Variants in SCFD1 observed in about 807,000 individuals in gnomAD.
SCFD1 encodes sec1 family domain containing 1.
Under a neutral mutation model 103.2 loss-of-function variants are expected in SCFD1, and 37 were observed. That is an observed-to-expected ratio of 0.36 (90% CI 0.28 to 0.47). The LOEUF is 0.47. Among genes scored for constraint, SCFD1 ranks in the 20% least tolerant of loss-of-function variants. The pLI is 1.00. For missense variants in SCFD1, 639 were observed against 761.2 expected, an observed-to-expected ratio of 0.84 and a Z score of 1.89; for synonymous variants, 264 against 245.0, an observed-to-expected ratio of 1.08 and a Z score of -0.73.
chr14:30,695,608 C>G (rs573879097), intron 15 of SCFD1, among the ~76,000 whole-genome samples: 1 of 152,254 alleles, frequency 6.6e-6, no homozygotes, highest in South Asian at 2.1e-4. Flanking sequence ...GTGGTTCATA[C>G]CTGTAATCCC....
chr14:30,702,360 A>G lies in SCFD1; in HGVS notation c.1475A>G (p.Tyr492Cys). Residue 492 changes from tyrosine to cysteine, a missense_variant, in exon 17 of 25, where the codon TAT becomes TGT. By Grantham distance (194) the Tyr-to-Cys change is radical. Transcript: ENST00000458591. Reference protein sequence around the residue: ...DAGCNLNPLQYIKQWKAFTKM... With the variant: ...DAGCNLNPLQCIKQWKAFTKM... ...GGATGCAACCTTAATCCTTTACAAT[A>G]TATCAAACAGTGGAAGTAAGTTTTA... The G allele has an allele frequency of 6.3e-7, 1 of 1,580,988 alleles. No individual in the cohort carries two copies. The highest frequency in any genetic ancestry group is 8.6e-7 in the Non-Finnish European group (1 of 1,160,280).
chr14:30,624,187 CTATCCA>C (rs1468977810), intron 1 of SCFD1, among the ~76,000 whole-genome samples: 1 of 152,202 alleles, frequency 6.6e-6, no homozygotes, highest in Admixed American at 6.5e-5. Context: ...ACTGTCCCCT[CTATCCA>C]TACCTTCAGT....
chr14:30,640,866 GA>G, intron 6 of SCFD1, among the ~76,000 whole-genome samples: 1 of 151,932 alleles, frequency 6.6e-6, no homozygotes, highest in Non-Finnish European at 1.5e-5. Flanking sequence ...CAGCTTTTTT[GA>G]AAGATCACAT....
chr14:30,669,553 G>GT (rs140138891), intron 10 of SCFD1, among the ~76,000 whole-genome samples: 10,103 of 151,462 alleles, frequency 0.067, 490 homozygotes, highest in African/African-American at 0.13. Flanking sequence ...GGGTTTTTTG[G>GT]TTTTTTTTAC....
intron 1 of SCFD1, 57 bp downstream of exon 1, chr14:30,622,456 T>C: frequency 6.5e-7 from 1 of 1,543,292 alleles, no homozygotes; most frequent in Non-Finnish European, 8.8e-7. Context: ...GACATCCTTC[T>C]CCTCTGGTGC....
At chr14:30,635,122 A>G (rs1364189149) in intron 4 of SCFD1, 1 of 371,628 alleles carries the variant, frequency 2.7e-6, no homozygotes, top group African/African-American at 2.1e-5. Context: ...TGACGTTTGC[A>G]AATTTTGTGT....
chr14:30,644,511 G>GT (rs1324400989), intron 7 of SCFD1, among the ~76,000 whole-genome samples: 11 of 152,124 alleles, frequency 7.2e-5, no homozygotes, highest in Admixed American at 6.5e-4. Flanking sequence ...GCCAACATCT[G>GT]TTATTTTTTG....
intron 10 of SCFD1, among the ~76,000 whole-genome samples, chr14:30,662,492 G>A (rs1024768196): frequency 6.6e-6 from 1 of 151,204 alleles, no homozygotes; most frequent in Non-Finnish European, 1.5e-5. Context: ...ATTCTCCCTT[G>A]TATTTTATTT....
At chr14:30,703,952 TATATATATATAA>T (rs1297859868) in intron 17 of SCFD1, among the ~76,000 whole-genome samples, 1,053 of 57,100 alleles carry the variant, frequency 0.018, 46 homozygotes, top group African/African-American at 0.077. Context: ...TATATATATA[TATATATATATAA>T]ATAATGAGAT....
intron 3 of SCFD1, among the ~76,000 whole-genome samples, chr14:30,632,953 A>G (rs760419475): frequency 6.6e-6 from 1 of 152,188 alleles, no homozygotes; most frequent in Non-Finnish European, 1.5e-5. Flanking sequence ...TTACACAGCT[A>G]CCATGGTGAA....
upstream of SCFD1, chr14:30,622,312 G>C: frequency 2.5e-6 from 4 of 1,593,322 alleles, no homozygotes; most frequent in East Asian, 2.3e-5. Context: ...CCGCTCCCCA[G>C]CCGGGCAGTG....
chr14:30,672,682 T>G (rs1225722904), intron 11 of SCFD1, among the ~76,000 whole-genome samples: 3 of 152,202 alleles, frequency 2.0e-5, no homozygotes, highest in African/African-American at 7.2e-5. Flanking sequence ...TGTAAGTTAC[T>G]GCTAAACCAC....
chr14:30,631,159 C>G (rs1263460027), intron 3 of SCFD1, among the ~76,000 whole-genome samples: 2 of 152,094 alleles, frequency 1.3e-5, no homozygotes, highest in Non-Finnish European at 2.9e-5. Context: ...CGAGACCAGC[C>G]TGGTCACGTG....
rs774003146 is a variant in SCFD1 at position 30,673,929 on chromosome 14, A to G, written c.1092A>G (p.Leu364=). 12 of 1,612,780 alleles carry G rather than the reference A, an allele frequency of 7.4e-6. No homozygotes were observed. Among genetic ancestry groups the G allele is most frequent in the Non-Finnish European group, 1.0e-5 (12 of 1,179,022 alleles). Reference sequence around the variant, plus strand: ...AGACCTTTTTTCTTTACAAGGGACTAGAAGGGGAAGATGAAGGAGCCATAA... The same window carrying G: ...AGACCTTTTTTCTTTACAAGGGACTGGAAGGGGAAGATGAAGGAGCCATAA... ...EVKRLKSIMG[L]EGEDEGAISM... is the part of the protein sequence containing the mutation. Residue 364 remains leucine, a synonymous_variant, in exon 13 of 25, where the codon CTA becomes CTG. Coordinates refer to ENST00000458591, the MANE Select transcript of SCFD1 (RefSeq NM_016106.4).
chr14:30,666,033 A>G (rs1273770894), intron 10 of SCFD1, among the ~76,000 whole-genome samples: 1 of 152,212 alleles, frequency 6.6e-6, no homozygotes, highest in African/African-American at 2.4e-5. Flanking sequence ...AAGGATATCC[A>G]GGAATTGAAC....
At chr14:30,681,238 G>A (rs1416446023) in intron 14 of SCFD1, among the ~76,000 whole-genome samples, 8 of 146,336 alleles carry the variant, frequency 5.5e-5, no homozygotes, top group African/African-American at 2.0e-4. Context: ...AAAAAAAAGC[G>A]CTCAACATAC....
chr14:30,638,150 C>T lies in SCFD1; in HGVS notation c.338C>T (p.Ser113Leu). Residue 113 changes from serine (S) to leucine (L), a missense_variant, in exon 5 of 25, where the codon TCA becomes TTA. Ser to Leu is a moderately radical substitution (Grantham distance 145, BLOSUM62 -2). Transcript: ENST00000458591. ...CQDLRNQLYE[S>L]YYLNFISAIS... ...GATCTTCGAAATCAACTATATGAAT[C>T]ATATTATTTAAATTTTATTTCTGCT... 1 of 1,610,194 alleles carries T rather than the reference C, an allele frequency of 6.2e-7. No homozygotes were observed. The highest frequency in any genetic ancestry group is 1.1e-5 in the South Asian group (1 of 90,552).
At chr14:30,726,232 G>A (rs1328708573) in intron 23 of SCFD1, among the ~76,000 whole-genome samples, 2 of 152,202 alleles carry the variant, frequency 1.3e-5, no homozygotes, top group East Asian at 3.8e-4. Context: ...ATAATCCAGT[G>A]AAAACTTGTT....
At chr14:30,667,690 T>C (rs1021000851) in intron 10 of SCFD1, among the ~76,000 whole-genome samples, 1 of 152,206 alleles carries the variant, frequency 6.6e-6, no homozygotes, top group African/African-American at 2.4e-5. Context: ...CTTAAGCTGA[T>C]AAGCAACTTC....
Sources: allele counts gnomAD v4.1 joint callset (sites outside exome capture counted in the v4.1 genomes callset), GRCh38; gene constraint gnomAD v4.1.1; transcripts MANE v1.5; gene names NCBI Gene and HGNC (gene_info 2026-07-23, HGNC 2026-07-21).